Variants in DYM observed in about 807,000 individuals in gnomAD.
DYM encodes dymeclin.
DYM carries 78 observed loss-of-function variants against 93.1 expected under a neutral mutation model. The observed-to-expected ratio is 0.84, with a 90% CI of 0.70 to 1.01. DYM has a LOEUF of 1.01. Among genes scored for constraint, DYM ranks in the 50% least tolerant of loss-of-function variants. DYM has a pLI of 0.00. For missense variants in DYM, 789 were observed against 845.0 expected, an observed-to-expected ratio of 0.93 and a Z score of 0.82; for synonymous variants, 321 against 319.7, an observed-to-expected ratio of 1.00 and a Z score of -0.04.
At chr18:49,313,130 G>C (rs540300011) in intron 8 of DYM, among the ~76,000 whole-genome samples, 89 of 152,192 alleles carry the variant, frequency 5.8e-4, no homozygotes, top group African/African-American at 2.1e-3. Context: ...TGAGACCGGA[G>C]GTCAACACAG....
intron 6 of DYM, among the ~76,000 whole-genome samples, chr18:49,353,012 T>C (rs1349062517): frequency 6.6e-6 from 1 of 152,112 alleles, no homozygotes; most frequent in Non-Finnish European, 1.5e-5. Flanking sequence ...GGGAGTAAAA[T>C]AGGTCCAAAA....
intron 6 of DYM, among the ~76,000 whole-genome samples, chr18:49,338,909 G>A (rs972696173): frequency 1.3e-5 from 2 of 152,104 alleles, no homozygotes; most frequent in Non-Finnish European, 2.9e-5. Flanking sequence ...AATTACATCA[G>A]AATTAAAGAT....
At chr18:49,142,665 G>T (rs1487713786) in intron 15 of DYM, among the ~76,000 whole-genome samples, 1 of 152,178 alleles carries the variant, frequency 6.6e-6, no homozygotes, top group Admixed American at 6.5e-5. Context: ...AGTAGAGAAA[G>T]GGAAAGGCAG....
intron 17 of DYM, among the ~76,000 whole-genome samples, chr18:49,050,208 T>C (rs1277087005): frequency 6.7e-6 from 1 of 149,564 alleles, no homozygotes; most frequent in Non-Finnish European, 1.5e-5. Context: ...TGCCTCGGCC[T>C]CCCTAGTAGC....
Position 49,085,873 on chromosome 18 carries a change from G to C in DYM, c.2025+11529C>G, listed in dbSNP as rs1368429143. On this transcript the variant is annotated intron_variant, in intron 17 of 17. Coordinates refer to ENST00000675505, the MANE Select transcript of DYM (RefSeq NM_001353214.3). Reference sequence around the variant, plus strand: ...ACCCGCCTTGGCCTCCCAAAGTGCTGGGATTACAGGCATGAGCCACTGCTC... The same window carrying C: ...ACCCGCCTTGGCCTCCCAAAGTGCTCGGATTACAGGCATGAGCCACTGCTC... 2.0e-5 allele frequency among the ~76,000 whole-genome samples: 3 copies of C among 152,272 alleles called. No homozygotes were observed. In the East Asian group the frequency reaches 5.8e-4, roughly 29 times the overall value.
intron 11 of DYM, among the ~76,000 whole-genome samples, chr18:49,261,725 A>C (rs1185518328): frequency 6.6e-6 from 1 of 152,216 alleles, no homozygotes; most frequent in African/African-American, 2.4e-5. Flanking sequence ...AAAAAATTAA[A>C]TATGTTTGGG....
chr18:49,415,927 CAAAAAA>C (rs80304487), intron 2 of DYM, among the ~76,000 whole-genome samples: 2 of 84,534 alleles, frequency 2.4e-5, no homozygotes, highest in South Asian at 7.8e-4. Context: ...AACTCTGACT[CAAAAAA>C]AAAAAAAAAA....
At chr18:49,393,293 T>C (rs781393275) in intron 2 of DYM, among the ~76,000 whole-genome samples, 7 of 152,028 alleles carry the variant, frequency 4.6e-5, no homozygotes, top group Non-Finnish European at 7.4e-5. Flanking sequence ...AAACATAAAA[T>C]TACCATCCGG....
intron 13 of DYM, among the ~76,000 whole-genome samples, chr18:49,233,949 A>C (rs2093783458): frequency 6.6e-6 from 1 of 151,980 alleles, no homozygotes; most frequent in Admixed American, 6.6e-5. Flanking sequence ...ACATGGTGAA[A>C]TCCCGTCTCT....
intron 6 of DYM, among the ~76,000 whole-genome samples, chr18:49,344,711 A>T (rs1292565379): frequency 6.6e-6 from 1 of 152,152 alleles, no homozygotes; most frequent in Admixed American, 6.5e-5. Context: ...GGGGAAAAAA[A>T]AAAAGACCTG....
At chr18:49,134,517 G>A (rs2083654716) in intron 15 of DYM, among the ~76,000 whole-genome samples, 2 of 152,094 alleles carry the variant, frequency 1.3e-5, no homozygotes, top group African/African-American at 2.4e-5. Flanking sequence ...TACATAAAAC[G>A]AATGCTGTCT....
intron 17 of DYM, among the ~76,000 whole-genome samples, chr18:49,076,934 G>A (rs149888328): frequency 2.6e-5 from 4 of 152,174 alleles, no homozygotes; most frequent in East Asian, 1.9e-4. Context: ...CTCTTTAAAC[G>A]CTCTAACCAT....
rs1568415096 is a variant in DYM, at chr18:49,420,883, G to C, written c.140+9372C>G. On this transcript the variant is annotated intron_variant, in intron 2 of 17. Coordinates refer to ENST00000675505, the MANE Select transcript of DYM (RefSeq NM_001353214.3). ...GATTATATCCCACGCCTGGCTCGGA[G>C]GGTCCCACACCCACGGAGCCTTGCT... Among the ~76,000 whole-genome samples the C allele has an allele frequency of 2.0e-5, 3 of 152,156 alleles. 1 individual carries two copies. The highest frequency in any genetic ancestry group is 1.3e-4 in the Admixed American group (2 of 15,274).
intron 6 of DYM, among the ~76,000 whole-genome samples, chr18:49,342,132 C>T (rs1388365799): frequency 6.6e-6 from 1 of 152,170 alleles, no homozygotes; most frequent in East Asian, 1.9e-4. Context: ...CTCATTTCCT[C>T]GTGGTTGTAG....
Position 49,289,152 on chromosome 18 carries a change from G to A in DYM, c.764-2536C>T, listed in dbSNP as rs374380798. On this transcript the variant is annotated intron_variant, in intron 8 of 17. Transcript: ENST00000675505. ...ATCAGTAAGAAAAGGATAAAATTCT[G>A]TTAAGTGTTCTTGGGACAGTGAAAT... Among the ~76,000 whole-genome samples the A allele has an allele frequency of 1.3e-4, 20 of 152,136 alleles. No individual in the cohort carries two copies. The South Asian group carries it at 4.2e-3, about 32-fold the overall frequency.
intron 13 of DYM, among the ~76,000 whole-genome samples, chr18:49,240,078 A>C (rs1343819306): frequency 6.6e-6 from 1 of 152,224 alleles, no homozygotes; most frequent in Non-Finnish European, 1.5e-5. Context: ...GTTCTCAATA[A>C]ATATTTATTA....
At chr18:49,110,682 A>G (rs1284692227) in intron 16 of DYM, among the ~76,000 whole-genome samples, 1 of 152,062 alleles carries the variant, frequency 6.6e-6, no homozygotes, top group Non-Finnish European at 1.5e-5. Context: ...ATGTCTTTTA[A>G]AAAAATGGAT....
chr18:49,411,599 GA>G (rs2072250137), intron 2 of DYM, among the ~76,000 whole-genome samples: 1 of 152,076 alleles, frequency 6.6e-6, no homozygotes, highest in East Asian at 1.9e-4. Flanking sequence ...ATATTTTTAA[GA>G]AAAGCAGATA....
chr18:49,074,060 A>T (rs1011939855), intron 17 of DYM, among the ~76,000 whole-genome samples: 6 of 152,242 alleles, frequency 3.9e-5, no homozygotes, highest in Non-Finnish European at 7.3e-5. Context: ...GAATTGAAAA[A>T]GATGACCACT....
Sources: allele counts gnomAD v4.1 joint callset (sites outside exome capture counted in the v4.1 genomes callset), GRCh38; gene constraint gnomAD v4.1.1; transcripts MANE v1.5; gene names NCBI Gene and HGNC (gene_info 2026-07-23, HGNC 2026-07-21).